The following SKAP1 variants were observed in gnomAD, a reference collection of about 807,000 sequenced individuals.
The protein encoded by SKAP1 is src kinase associated phosphoprotein 1.
Under a neutral mutation model 58.5 loss-of-function variants are expected in SKAP1, and 44 were observed. The ratio of observed to expected loss-of-function variants is 0.75; its 90% CI spans 0.59 to 0.97. The LOEUF is 0.97. Among genes scored for constraint, SKAP1 ranks in the 50% least tolerant of loss-of-function variants. The pLI is 0.00. For missense variants in SKAP1, 390 were observed against 435.2 expected (o/e 0.90, Z 0.92); for synonymous variants, 127 against 149.7 (o/e 0.85, Z 1.11).
the SKAP1 span, among the ~76,000 whole-genome samples, chr17:48,443,862 A>G: frequency 6.6e-6 from 1 of 152,168 alleles, no homozygotes; most frequent in East Asian, 1.9e-4. Context: ...CAAGTATACC[A>G]TTCACTTGGA....
At chr17:48,420,023 C>T (rs1468165543) in intron 1 of SKAP1, among the ~76,000 whole-genome samples, 1 of 152,140 alleles carries the variant, frequency 6.6e-6, no homozygotes, top group Non-Finnish European at 1.5e-5. Flanking sequence ...CTCAAAGACT[C>T]CAAACCTGAA....
intron 4 of SKAP1, among the ~76,000 whole-genome samples, chr17:48,297,303 A>G (rs1480524466): frequency 2.0e-5 from 3 of 152,232 alleles, no homozygotes; most frequent in African/African-American, 7.2e-5. Flanking sequence ...TAAATGAATC[A>G]GTCCTGTGTA....
At chr17:48,371,614 C>T (rs560653911) in intron 2 of SKAP1, among the ~76,000 whole-genome samples, 5 of 122,976 alleles carry the variant, frequency 4.1e-5, no homozygotes, top group South Asian at 5.6e-4. Context: ...TCCAGGAGTT[C>T]GGGACCAGCC....
chr17:48,429,228 T>A (rs2067886502), intron 1 of SKAP1, among the ~76,000 whole-genome samples: 1 of 152,188 alleles, frequency 6.6e-6, no homozygotes, highest in Non-Finnish European at 1.5e-5. Flanking sequence ...CAGGCCTCTG[T>A]CCTCCCTGGA....
intron 2 of SKAP1, among the ~76,000 whole-genome samples, chr17:48,395,920 T>C (rs2067412690): frequency 6.6e-6 from 1 of 152,120 alleles, no homozygotes; most frequent in Non-Finnish European, 1.5e-5. Flanking sequence ...GCAAATTAAA[T>C]CCCAACCATA....
intron 11 of SKAP1, 107 bp downstream of exon 11, chr17:48,162,362 G>T: frequency 3.4e-6 from 2 of 594,592 alleles, no homozygotes; most frequent in South Asian, 2.8e-5. Flanking sequence ...TTTATATTGT[G>T]AGGGAGCCAT....
In SKAP1 at chr17:48,162,569, A is replaced by G. The variant is rs765629624; in HGVS notation, c.878T>C (p.Val293Ala). 4.3e-6 allele frequency: 7 copies of G among 1,609,948 alleles called. No homozygotes were observed. In the Admixed American group the frequency reaches 1.0e-4, roughly 23 times the overall value. Residue 293 changes from valine (V) to alanine (A), a missense_variant and splice_region_variant, in exon 11 of 13, where the codon GTA (valine) becomes GCA (alanine). Transcript: ENST00000336915. ...EDESGTRRKG[V>A]DYASYYQGLW... Reference sequence around the variant, plus strand: ...GCCCTGGTAGTAACTGGCATAGTCTACTGATCAAAGAGAGGAGAAATCAAA... The same window carrying G: ...GCCCTGGTAGTAACTGGCATAGTCTGCTGATCAAAGAGAGGAGAAATCAAA...
At chr17:48,441,106 A>C in the SKAP1 span, among the ~76,000 whole-genome samples, 1 of 152,206 alleles carries the variant, frequency 6.6e-6, no homozygotes, top group Non-Finnish European at 1.5e-5. Context: ...ATAGTGTTCT[A>C]AAAAACAAAA....
At chr17:48,402,104 C>T (rs978904961) in intron 1 of SKAP1, among the ~76,000 whole-genome samples, 6 of 151,912 alleles carry the variant, frequency 3.9e-5, no homozygotes, top group East Asian at 1.9e-4. Context: ...TGGTTACAGG[C>T]GAAAAGAACA....
At chr17:48,302,448 C>G (rs775247597) in intron 4 of SKAP1, among the ~76,000 whole-genome samples, 1 of 152,204 alleles carries the variant, frequency 6.6e-6, no homozygotes, top group Non-Finnish European at 1.5e-5. Context: ...TGGAATTTCA[C>G]TAACAGGAAG....
At chr17:48,192,999 G>A (rs952490520) in intron 4 of SKAP1, among the ~76,000 whole-genome samples, 1 of 152,062 alleles carries the variant, frequency 6.6e-6, no homozygotes, top group African/African-American at 2.4e-5. Flanking sequence ...TTTTTATATG[G>A]TGTGTTTTTG....
At chr17:48,148,569 G>A (rs1355148602) in intron 11 of SKAP1, among the ~76,000 whole-genome samples, 1 of 152,198 alleles carries the variant, frequency 6.6e-6, no homozygotes, top group African/African-American at 2.4e-5. Context: ...ACAATGTGAC[G>A]GAAATGTTTA....
intron 4 of SKAP1, among the ~76,000 whole-genome samples, chr17:48,325,166 G>A (rs772284872): frequency 6.8e-6 from 1 of 146,366 alleles, no homozygotes; most frequent in Non-Finnish European, 1.5e-5. Context: ...GGAGAATGGC[G>A]TGAACCCGGG....
Position 48,162,525 on chromosome 17 carries a change from C to T in SKAP1, c.922G>A (p.Asp308Asn). Residue 308 changes from aspartate (D) to asparagine (N), a missense_variant, in exon 11 of 13, where the codon GAC (aspartate) becomes AAC (asparagine). Physicochemically the swap from Asp to Asn is conservative, Grantham distance 23. Transcript: ENST00000336915. ...YYQGLWDCHG[D>N]QPDELSFQRG... is the part of the protein sequence containing the mutation. ...TGGAAGGACAGTTCATCTGGCTGGT[C>T]ACCATGGCAATCCCATAGGCCCTGG... The T allele has an allele frequency of 6.2e-7, 1 of 1,614,052 alleles. No homozygotes were observed. The highest frequency in any genetic ancestry group is 8.5e-7 in the Non-Finnish European group (1 of 1,179,972).
chr17:48,251,451 CTTG>C (rs906317251), intron 4 of SKAP1, among the ~76,000 whole-genome samples: 6 of 152,108 alleles, frequency 3.9e-5, no homozygotes, highest in African/African-American at 9.6e-5. Context: ...TATGCAAAGC[CTTG>C]TTGTCACAAG....
chr17:48,199,624 G>C (rs1405354125), intron 4 of SKAP1, among the ~76,000 whole-genome samples: 1 of 152,080 alleles, frequency 6.6e-6, no homozygotes, highest in African/African-American at 2.4e-5. Flanking sequence ...GGCTCCCAGG[G>C]ACCCTAAATC....
intron 2 of SKAP1, chr17:48,377,157 A>G (rs1209083362): frequency 6.9e-6 from 1 of 143,944 alleles, no homozygotes; most frequent in African/African-American, 2.6e-5. Flanking sequence ...AAGCAATATG[A>G]TGAGGTAAAG....
intron 3 of SKAP1, among the ~76,000 whole-genome samples, chr17:48,357,629 C>CAA (rs201907150): frequency 6.7e-6 from 1 of 148,438 alleles, no homozygotes; most frequent in African/African-American, 2.5e-5. Context: ...GACTCTGTCT[C>CAA]AGAAAAAAAG....
chr17:48,202,821 G>T (rs938774073), intron 4 of SKAP1, among the ~76,000 whole-genome samples: 1 of 152,164 alleles, frequency 6.6e-6, no homozygotes, highest in Non-Finnish European at 1.5e-5. Flanking sequence ...AATACATTTG[G>T]AAAGTTACTA....
Sources: gnomAD v4.1 joint callset for allele counts (sites outside exome capture counted in the v4.1 genomes callset) on GRCh38, gnomAD v4.1.1 for gene constraint, MANE v1.5 for transcripts, NCBI Gene and HGNC (gene_info 2026-07-23, HGNC 2026-07-21) for gene names.